Variants in KREMEN2 observed in about 807,000 individuals in gnomAD.
The protein encoded by KREMEN2 is kringle containing transmembrane protein 2.
A neutral mutation model predicts 49.8 loss-of-function variants in KREMEN2; 43 were observed. That is an observed-to-expected ratio of 0.86 (90% CI 0.68 to 1.11). KREMEN2 has a LOEUF of 1.11. KREMEN2 is among the 50% of genes most tolerant of loss of function. KREMEN2 has a pLI of 0.00. For synonymous variants in KREMEN2, 355 were observed against 304.9 expected, an observed-to-expected ratio of 1.16 and a Z score of -1.71; for missense variants, 686 against 665.7, an observed-to-expected ratio of 1.03 and a Z score of -0.34.
intron 2 of KREMEN2, 83 bp downstream of exon 2, chr16:2,965,116 G>GGTGGAGGTCTGCC (rs1463942071): frequency 1.6e-6 from 2 of 1,222,862 alleles, no homozygotes; most frequent in Admixed American, 3.3e-5. Context: ...GTGCGGGCGG[G>GGTGGAGGTCTGCC]GTGGAGGTCT....
chr16:2,965,133 G>C (rs2071793414), intron 2 of KREMEN2, 100 bp downstream of exon 2: 2 of 779,854 alleles, frequency 2.6e-6, no homozygotes, highest in African/African-American at 4.2e-5. Context: ...GTCTGCCGTG[G>C]ACTGGCAGCC....
chr16:2,968,131 G>A lies in KREMEN2; in HGVS notation c.*111G>A. On this transcript the variant is annotated 3_prime_UTR_variant, in exon 9 of 9. Transcript: ENST00000303746. ...CTGTGTAGGGGCAGCTCGGCCTCTG[G>A]TCGCCTTGGGGAGACCAAAAGTCGG... 4 of 1,209,526 alleles carry A rather than the reference G, an allele frequency of 3.3e-6. No individual in the cohort carries two copies. Among genetic ancestry groups the A allele is most frequent in the Non-Finnish European group, 4.7e-6 (4 of 852,704 alleles). 74.9% of individuals were successfully genotyped at this position (1,209,526 alleles called of 1,614,324 possible). A position where few individuals can be genotyped will look rare whatever the true frequency, so the allele number is the denominator to read the frequency against.
Position 2,967,825 on chromosome 16 carries a change from T to G in KREMEN2, c.1194T>G (p.Ala398=). The G allele has an allele frequency of 6.5e-7, 1 of 1,550,276 alleles. No homozygotes were observed. The highest frequency in any genetic ancestry group is 1.2e-5 in the South Asian group (1 of 84,130). ...RPLRRRSCLL[A]PGKGPPALGA... ...CCCTCTCTAGGAGCTGTCTGCTGGC[T>G]CCGGGAAAAGGGCCCCCGGCGCTGG... The change falls in exon 9 of 9, where the codon GCT becomes GCG. Residue 398 remains alanine, a synonymous_variant. Transcript: ENST00000303746.
chr16:2,967,795 C>T lies in KREMEN2; in HGVS notation c.1179-15C>T. On this transcript the variant is annotated splice_polypyrimidine_tract_variant and intron_variant, in intron 8 of 8. Coordinates refer to ENST00000303746, the MANE Select transcript of KREMEN2 (RefSeq NM_172229.3). The stretch of plus-strand genomic sequence containing the variant: ...GGGATTGGACCGGCTCGGCTGATGT[C>T]TGCTCCCTCTCTAGGAGCTGTCTGC... The T allele has an allele frequency of 6.5e-7, 1 of 1,549,318 alleles. No individual in the cohort carries two copies. Among genetic ancestry groups the T allele is most frequent in the Non-Finnish European group, 8.7e-7 (1 of 1,146,274 alleles).
Position 2,968,086 on chromosome 16 carries a change from G to T in KREMEN2, c.*66G>T, listed in dbSNP as rs1216428201. The T allele has an allele frequency of 3.3e-5, 48 of 1,461,968 alleles. No individual in the cohort carries two copies. The highest frequency in any genetic ancestry group is 4.2e-5 in the Non-Finnish European group (45 of 1,081,294). 90.6% of individuals were successfully genotyped at this position (1,461,968 alleles called of 1,614,324 possible). Reference sequence around the variant, plus strand: ...ATGGACACCTGAGATGCTGTGCTGCGCCCTGCCTCGGCCTTGCGCCTGTGT... The same window carrying T: ...ATGGACACCTGAGATGCTGTGCTGCTCCCTGCCTCGGCCTTGCGCCTGTGT... On this transcript the variant is annotated 3_prime_UTR_variant, in exon 9 of 9. Transcript: ENST00000303746.
In KREMEN2 at chr16:2,964,306, A is replaced by T; in HGVS notation, c.-215A>T. The T allele has an allele frequency of 2.3e-6, 1 of 436,402 alleles. No individual in the cohort carries two copies. The highest frequency in any genetic ancestry group is 4.1e-6 in the Non-Finnish European group (1 of 246,044). 27.0% of individuals were successfully genotyped at this position (436,402 alleles called of 1,614,324 possible). A position where few individuals can be genotyped will look rare whatever the true frequency, so the allele number is the denominator to read the frequency against. ...CCCCCGGAGAGACCCGGGTAGGGACAGGGACAGAGAGACGCCTCTAGGGGC... is the reference window on the plus strand; with the variant it reads ...CCCCCGGAGAGACCCGGGTAGGGACTGGGACAGAGAGACGCCTCTAGGGGC... On this transcript the variant is annotated 5_prime_UTR_variant, in exon 1 of 9. Coordinates refer to ENST00000303746, the MANE Select transcript of KREMEN2 (RefSeq NM_172229.3).
intron 1 of KREMEN2, 116 bp downstream of exon 1, chr16:2,964,730 G>A (rs922649871): frequency 2.2e-6 from 3 of 1,385,066 alleles, no homozygotes; most frequent in African/African-American, 2.9e-5. Context: ...GAGCAGCTGA[G>A]CAGCCCGAGG....
chr16:2,967,367 C>T lies in KREMEN2; in HGVS notation c.1021C>T (p.Gln341Ter), dbSNP rs2151057079. 7.1e-7 allele frequency: 1 copy of T among 1,404,814 alleles called. No homozygotes were observed. The highest frequency in any genetic ancestry group is 3.0e-5 in the East Asian group (1 of 33,678). The allele number at this position is 1,404,814 out of a possible 1,614,324, so 87.0% of individuals were successfully genotyped here. The stretch of plus-strand genomic sequence containing the variant: ...CCCAGAGGCCCCCGAGGGCTCGGCC[C>T]AGACCCCCGCGGCGCCCCTCGACGG... ...EDPEAPEGSA[Q>*]TPAAPLDGAN... The change falls in exon 7 of 9, where the codon CAG becomes TAG. Residue 341 changes from glutamine (Q) to a stop codon, truncating the protein, a stop_gained. Coordinates refer to ENST00000303746, the MANE Select transcript of KREMEN2 (RefSeq NM_172229.3). LOFTEE classifies it high-confidence loss of function.
At position 2,966,558 on chromosome 16, in the gene KREMEN2, C is replaced by A. The variant is rs185865717; in HGVS notation, c.487-84C>A. On this transcript the variant is annotated intron_variant, in intron 4 of 8. Transcript: ENST00000303746. The surrounding 1 kb of genome is among the most constrained non-coding windows in gnomAD (Gnocchi z 8.4). The stretch of plus-strand genomic sequence containing the variant: ...AGACACCGGTTTCTGAACCTCCAGC[C>A]CGATTCCCACCCCGACCCCAGGCCC... The A allele has an allele frequency of 6.4e-5, 100 of 1,561,502 alleles. No homozygotes were observed. In the African/African-American group the frequency reaches 1.1e-3, roughly 16 times the overall value.
rs768747702 is a variant in KREMEN2, at chr16:2,966,242, C to T, written c.361+11C>T. The T allele has an allele frequency of 2.5e-6, 4 of 1,613,212 alleles. No homozygotes were observed. The highest frequency in any genetic ancestry group is 2.2e-5 in the South Asian group (2 of 91,052). On this transcript the variant is annotated intron_variant, in intron 3 of 8. Coordinates refer to ENST00000303746, the MANE Select transcript of KREMEN2 (RefSeq NM_172229.3). This position sits in a 1 kb window ranked among gnomAD's most constrained non-coding sequence, Gnocchi z 8.4. ...TCCCCTCCTGTCACAGTGAGTAGCG[C>T]GGCTGGACAGAGGTGGGAACGCTGC...
chr16:2,965,950 C>T (rs190046481), intron 2 of KREMEN2, among the ~76,000 whole-genome samples, 190 bp from the exon 3 acceptor site: 80 of 152,336 alleles, frequency 5.3e-4, no homozygotes, highest in African/African-American at 1.9e-3. Context: ...ACTCGGAAGT[C>T]GACGTCCAGT....
rs770105760 is a variant in KREMEN2 at position 2,964,621 on chromosome 16, C to A, written c.94+7C>A. 65 of 1,575,758 alleles carry A rather than the reference C, an allele frequency of 4.1e-5. No homozygotes were observed. The Admixed American group carries it at 1.3e-3, about 31-fold the overall frequency. ...GGGAGCCTGCACAGTCCAGGTAAGT[C>A]CCCGCACGGCTGTCGGGCCGTGTTC... On this transcript the variant is annotated splice_region_variant and intron_variant, in intron 1 of 8. Transcript: ENST00000303746.
Position 2,964,628 on chromosome 16 carries a change from C to T in KREMEN2, c.94+14C>T, listed in dbSNP as rs749620665. 2 of 1,568,242 alleles carry T rather than the reference C, an allele frequency of 1.3e-6. No individual in the cohort carries two copies. The highest frequency in any genetic ancestry group is 2.0e-5 in the Admixed American group (1 of 51,206). ...TGCACAGTCCAGGTAAGTCCCCGCA[C>T]GGCTGTCGGGCCGTGTTCACCACCC... On this transcript the variant is annotated intron_variant, in intron 1 of 8. Transcript: ENST00000303746.
In KREMEN2 at chr16:2,968,345, C is replaced by T; in HGVS notation, c.*325C>T. ...CAGGTCAGCAAAAACAGTCAAAAAA[C>T]CCCCACAGATTTTGAATAAAGGATC... On this transcript the variant is annotated 3_prime_UTR_variant, in exon 9 of 9. Coordinates refer to ENST00000303746, the MANE Select transcript of KREMEN2 (RefSeq NM_172229.3). 1 of 1,534,832 alleles carries T rather than the reference C, an allele frequency of 6.5e-7. No homozygotes were observed. Among genetic ancestry groups the T allele is most frequent in the Non-Finnish European group, 8.7e-7 (1 of 1,146,098 alleles).
In KREMEN2 at chr16:2,967,370, A is replaced by T. The variant is rs2071849223; in HGVS notation, c.1024A>T (p.Thr342Ser). ...DPEAPEGSAQ[T>S]PAAPLDGANV... is the part of the protein sequence containing the mutation. ...AGAGGCCCCCGAGGGCTCGGCCCAGACCCCCGCGGCGCCCCTCGACGGGGC... is the reference window on the plus strand; with the variant it reads ...AGAGGCCCCCGAGGGCTCGGCCCAGTCCCCCGCGGCGCCCCTCGACGGGGC... The change falls in exon 7 of 9, where the codon ACC becomes TCC. Residue 342 changes from threonine (T) to serine (S), a missense_variant. Coordinates refer to ENST00000303746, the MANE Select transcript of KREMEN2 (RefSeq NM_172229.3). 2 of 1,400,280 alleles carry T rather than the reference A, an allele frequency of 1.4e-6. No homozygotes were observed. Among genetic ancestry groups the T allele is most frequent in the Non-Finnish European group, 1.8e-6 (2 of 1,088,996 alleles). The allele number at this position is 1,400,280 out of a possible 1,614,324, so 86.7% of individuals were successfully genotyped here. A position where few individuals can be genotyped will look rare whatever the true frequency, so the allele number is the denominator to read the frequency against.
In KREMEN2 at chr16:2,967,254, C is replaced by A. The variant is rs192108444; in HGVS notation, c.973+12C>A. 813 of 1,352,732 alleles carry A rather than the reference C, an allele frequency of 6.0e-4. 6 individuals are homozygous for A. In the African/African-American group the frequency reaches 0.012, roughly 19 times the overall value. 83.8% of individuals were successfully genotyped at this position (1,352,732 alleles called of 1,614,324 possible). A position where few individuals can be genotyped will look rare whatever the true frequency, so the allele number is the denominator to read the frequency against. On this transcript the variant is annotated intron_variant, in intron 6 of 8. Transcript: ENST00000303746. ...GCTCACCTACCGCGGTGAGCCTCAG[C>A]TCGGCGCGCCCTGCCCGCTGTTCCC...
At position 2,967,809 on chromosome 16, in the gene KREMEN2, G is replaced by A. The variant is rs1295950148; in HGVS notation, c.1179-1G>A. On this transcript the variant is annotated splice_acceptor_variant, in intron 8 of 8. Transcript: ENST00000303746. LOFTEE classifies it high-confidence loss of function. ...TCGGCTGATGTCTGCTCCCTCTCTA[G>A]GAGCTGTCTGCTGGCTCCGGGAAAA... 2.6e-6 allele frequency: 4 copies of A among 1,549,952 alleles called. No individual in the cohort carries two copies. Among genetic ancestry groups the A allele is most frequent in the Non-Finnish European group, 3.5e-6 (4 of 1,146,834 alleles).
At position 2,964,470 on chromosome 16, in the gene KREMEN2, G is replaced by C; in HGVS notation, c.-51G>C. The C allele has an allele frequency of 7.2e-7, 1 of 1,386,408 alleles. No individual in the cohort carries two copies. Among genetic ancestry groups the C allele is most frequent in the Non-Finnish European group, 9.8e-7 (1 of 1,019,874 alleles). 85.9% of individuals were successfully genotyped at this position (1,386,408 alleles called of 1,614,324 possible). ...TGGGAGACCCCGAAGCGACCCCGGG[G>C]GCAGCCCGGGCCGTGTCCGGGCGAG... On this transcript the variant is annotated 5_prime_UTR_variant, in exon 1 of 9. Transcript: ENST00000303746.
Position 2,966,783 on chromosome 16 carries a change from G to A in KREMEN2, c.628G>A (p.Gly210Ser). 2 of 1,607,452 alleles carry A rather than the reference G, an allele frequency of 1.2e-6. No homozygotes were observed. The highest frequency in any genetic ancestry group is 1.7e-4 in the Middle Eastern group (1 of 6,036). ...GCTGTGTGGCGGCGATGGGCGGCTG[G>A]GCGTCTATGAAGGTGAGGAGTGGGC... is the stretch of plus-strand genomic sequence containing the variant. ...GQLCGGDGRL[G>S]VYEVSVGSCQ... is the part of the protein sequence containing the mutation. The change falls in exon 5 of 9, where the codon GGC (glycine) becomes AGC (serine). Residue 210 changes from glycine (G) to serine (S), a missense_variant. Coordinates refer to ENST00000303746, the MANE Select transcript of KREMEN2 (RefSeq NM_172229.3). This position sits in a 1 kb window ranked among gnomAD's most constrained non-coding sequence, Gnocchi z 8.4.
Sources: allele counts gnomAD v4.1 joint callset (sites outside exome capture counted in the v4.1 genomes callset), GRCh38; gene constraint gnomAD v4.1.1; non-coding constraint Gnocchi (gnomAD v3.1); transcripts MANE v1.5; gene names NCBI Gene and HGNC (gene_info 2026-07-23, HGNC 2026-07-21).